The following ADGRG2 variants were observed in gnomAD, a reference collection of about 807,000 sequenced individuals.
ADGRG2 encodes the protein adhesion G protein-coupled receptor G2.
ADGRG2 carries 26 observed loss-of-function variants against 74.1 expected under a neutral mutation model. The observed-to-expected ratio is 0.35, with a 90% confidence interval of 0.26 to 0.49. The LOEUF is 0.49. Ranked by LOEUF, ADGRG2 falls within the 20% of genes least tolerant of loss-of-function variation. The pLI is 0.99. For missense variants in ADGRG2, 619 were observed against 763.1 expected (o/e 0.81, Z 2.22); for synonymous variants, 296 against 295.2 (o/e 1.00, Z -0.03).
At chrX:19,023,575 C>T in intron 12 of ADGRG2, 122 bp from the exon 13 acceptor site, 2 of 450,621 alleles carry the variant, frequency 4.4e-6, no homozygotes, top group South Asian at 8.2e-5. Flanking sequence ...TAGGGATTGT[C>T]CACTTCACAT....
intron 3 of ADGRG2, among the ~76,000 whole-genome samples, chrX:19,057,625 A>G (rs2061426090): frequency 9.0e-6 from 1 of 111,167 alleles, no homozygotes; most frequent in Non-Finnish European, 1.9e-5. Context: ...CAGGAGTTTG[A>G]GCCCAGGGGT....
intron 3 of ADGRG2, among the ~76,000 whole-genome samples, chrX:19,053,520 T>C (rs1307644700): frequency 8.9e-6 from 1 of 111,740 alleles, no homozygotes; most frequent in Non-Finnish European, 1.9e-5. Flanking sequence ...CAGGACGGCC[T>C]AGGTCCAAAT....
intron 1 of ADGRG2, among the ~76,000 whole-genome samples, chrX:19,107,386 G>A (rs2062319112): frequency 8.9e-6 from 1 of 112,368 alleles, no homozygotes; most frequent in Admixed American, 9.4e-5. Flanking sequence ...CTATCCAGTT[G>A]GTCAAATGAC....
intron 2 of ADGRG2, among the ~76,000 whole-genome samples, chrX:19,073,036 T>C (rs2061678200): frequency 8.9e-6 from 1 of 112,123 alleles, no homozygotes; most frequent in Admixed American, 9.4e-5. Context: ...GTGGGAGGTG[T>C]TGGATCATGG....
At chrX:18,998,084 A>G (rs888007564) in intron 26 of ADGRG2, among the ~76,000 whole-genome samples, 1 of 112,348 alleles carries the variant, frequency 8.9e-6, no homozygotes, top group African/African-American at 3.2e-5. Context: ...TCATTAACCA[A>G]TGGGAAACCT....
intron 1 of ADGRG2, among the ~76,000 whole-genome samples, chrX:19,090,264 G>A (rs1189561796): frequency 9.0e-6 from 1 of 111,680 alleles, no homozygotes; most frequent in Non-Finnish European, 1.9e-5. Flanking sequence ...TTTGCAGCCC[G>A]TTTCTGGGCA....
intron 3 of ADGRG2, among the ~76,000 whole-genome samples, chrX:19,042,522 CAG>C (rs1207136950): frequency 9.0e-6 from 1 of 111,566 alleles, no homozygotes; most frequent in African/African-American, 3.3e-5. Context: ...TGTGTACACA[CAG>C]GGGGCTGATT....
chrX:19,037,612 G>T lies in ADGRG2; in HGVS notation c.179C>A (p.Ala60Asp), dbSNP rs1322312028. The T allele has an allele frequency of 1.7e-6, 2 of 1,151,798 alleles. No homozygotes were observed. Among genetic ancestry groups the T allele is most frequent in the East Asian group, 3.1e-5 (1 of 31,939 alleles). 94.9% of individuals were successfully genotyped at this position (1,151,798 alleles called of 1,213,427 possible). The change falls in exon 5 of 29, where the codon GCC becomes GAC. Residue 60 changes from alanine (A) to aspartate (D), a missense_variant. Coordinates refer to ENST00000379869, the MANE Select transcript of ADGRG2 (RefSeq NM_001079858.3). Reference protein sequence around the residue: ...PPAKLSVVSFAPSSNGTPEVE... With the variant: ...PPAKLSVVSFDPSSNGTPEVE... ...GCCTGGAGTACCATTGGAGGAGGGG[G>T]CAAAACTGACAACAGATAATTTAGC...
intron 13 of ADGRG2, 94 bp from the exon 14 acceptor site, chrX:19,021,292 G>T: frequency 3.7e-6 from 2 of 534,788 alleles, no homozygotes; most frequent in Non-Finnish European, 6.6e-6. Context: ...GTGAGGAAAG[G>T]GGACACTGAT....
intron 1 of ADGRG2, among the ~76,000 whole-genome samples, chrX:19,119,176 T>G (rs148594323): frequency 0.014 from 1,543 of 111,968 alleles, 28 homozygotes; most frequent in African/African-American, 0.048. Context: ...AAGAGTGAAT[T>G]TTACTGTAAT....
rs184221794 is a variant in ADGRG2 at position 19,049,970 on chromosome X, C to A, written c.119-9746G>T. Among the ~76,000 whole-genome samples the A allele has an allele frequency of 2.1e-3, 235 of 111,535 alleles. 2 individuals are homozygous for A. The highest frequency in any genetic ancestry group is 6.1e-3 in the Admixed American group (64 of 10,510). On this transcript the variant is annotated intron_variant, in intron 3 of 28. Coordinates refer to ENST00000379869, the MANE Select transcript of ADGRG2 (RefSeq NM_001079858.3). ...GCGTGCACCAGTGGTTTGGCTGTGGCGAGCAGTTTTTCCAATTTCCCTTAG... is the reference window on the plus strand; with the variant it reads ...GCGTGCACCAGTGGTTTGGCTGTGGAGAGCAGTTTTTCCAATTTCCCTTAG...
chrX:18,998,974 T>C, intron 26 of ADGRG2, 22 bp downstream of exon 26: 1 of 1,127,576 alleles, frequency 8.9e-7, no homozygotes, highest in Non-Finnish European at 1.2e-6. Flanking sequence ...ATTCAGTTTG[T>C]ATTTGATGCT....
At chrX:19,099,830 T>G (rs775139053) in intron 1 of ADGRG2, among the ~76,000 whole-genome samples, 1 of 111,125 alleles carries the variant, frequency 9.0e-6, no homozygotes, top group South Asian at 3.8e-4. Context: ...AACCCAGGGA[T>G]TTGAGACCAG....
At chrX:19,107,876 G>A (rs768684714) in intron 1 of ADGRG2, among the ~76,000 whole-genome samples, 19 of 104,872 alleles carry the variant, frequency 1.8e-4, no homozygotes, top group Middle Eastern at 5.5e-3. Flanking sequence ...TGAGGCGGGC[G>A]GATCACAAAG....
chrX:19,017,520 C>T (rs1189069535), intron 15 of ADGRG2, among the ~76,000 whole-genome samples: 3 of 111,834 alleles, frequency 2.7e-5, no homozygotes, highest in Non-Finnish European at 5.6e-5. Flanking sequence ...TCTTCTGATC[C>T]GATCCCAATG....
chrX:19,002,759 C>T, intron 24 of ADGRG2, 87 bp downstream of exon 24: 1 of 915,087 alleles, frequency 1.1e-6, no homozygotes, highest in Non-Finnish European at 1.6e-6. Flanking sequence ...ATGTGATCTG[C>T]TTCATCGTTT....
chrX:19,011,503 T>C (rs1293724023), intron 16 of ADGRG2, among the ~76,000 whole-genome samples: 3 of 112,244 alleles, frequency 2.7e-5, no homozygotes, highest in Non-Finnish European at 5.6e-5. Flanking sequence ...GTATCATGTG[T>C]ACAGGATTTT....
intron 1 of ADGRG2, among the ~76,000 whole-genome samples, chrX:19,110,000 A>T (rs1479216027): frequency 8.9e-6 from 1 of 112,133 alleles, no homozygotes; most frequent in Non-Finnish European, 1.9e-5. Context: ...CCCCAGACAC[A>T]AGAATGTACT....
intron 16 of ADGRG2, among the ~76,000 whole-genome samples, chrX:19,012,693 T>C (rs1311176510): frequency 9.2e-6 from 1 of 109,254 alleles, no homozygotes; most frequent in African/African-American, 3.3e-5. Flanking sequence ...CAGTGCAAAT[T>C]TGAAGAAATA....
Sources: allele counts gnomAD v4.1 joint callset (sites outside exome capture counted in the v4.1 genomes callset), GRCh38; gene constraint gnomAD v4.1.1; transcripts MANE v1.5; gene names NCBI Gene and HGNC (gene_info 2026-07-23, HGNC 2026-07-21).